The following BCL2L13 variants were observed in gnomAD, a reference collection of about 807,000 sequenced individuals.
BCL2L13 encodes the protein bcl-2-like protein 13.
BCL2L13 carries 13 observed loss-of-function variants against 25.8 expected under a neutral mutation model. That is an observed-to-expected ratio of 0.50 (90% CI 0.33 to 0.80). The LOEUF (loss-of-function observed/expected upper bound fraction) is 0.80, where lower values mean the gene tolerates loss of function less well. Among genes scored for constraint, BCL2L13 ranks in the 30% least tolerant of loss-of-function variants. The pLI is 0.02. For synonymous variants in BCL2L13, 244 were observed against 230.3 expected (o/e 1.06, Z -0.54); for missense variants, 504 against 574.9 (o/e 0.88, Z 1.26).
At position 17,702,258 on chromosome 22, in the gene BCL2L13, G is replaced by C; in HGVS notation, c.472G>C (p.Val158Leu). The part of the protein sequence containing the change: ...SGWNKILVPL[V>L]LLRQMLLELT... ...TGCATTGAAGATTTTGGTGCCTCTG[G>C]TTTTGCTACGACAAATGCTTTTGGA... The change falls in exon 6 of 7, where the codon GTT (valine) becomes CTT (leucine). Residue 158 changes from valine to leucine, a missense_variant. By Grantham distance (32) the Val-to-Leu change is conservative. Transcript: ENST00000317582. 3 of 1,604,928 alleles carry C rather than the reference G, an allele frequency of 1.9e-6. No individual in the cohort carries two copies. Among genetic ancestry groups the C allele is most frequent in the Non-Finnish European group, 2.5e-6 (3 of 1,176,498 alleles).
chr22:17,727,056 T>G lies in BCL2L13; in HGVS notation c.980T>G (p.Val327Gly). 1 of 1,614,198 alleles carries G rather than the reference T, an allele frequency of 6.2e-7. No homozygotes were observed. Among genetic ancestry groups the G allele is most frequent in the Non-Finnish European group, 8.5e-7 (1 of 1,180,028 alleles). The change falls in exon 7 of 7, where the codon GTG (valine) becomes GGG (glycine). Residue 327 changes from valine to glycine, a missense_variant. By Grantham distance (109) the Val-to-Gly change is moderately radical (BLOSUM62 -3). Coordinates refer to ENST00000317582, the MANE Select transcript of BCL2L13 (RefSeq NM_015367.4). ...ATGGAAGAGGCTGCTGTGGCTTCTG[T>G]GGTCTTGCCAGCGCGGGAGCTGCAA... Reference protein sequence around the residue: ...EGMEEAAVASVVLPARELQEA... With the variant: ...EGMEEAAVASGVLPARELQEA...
At chr22:17,653,251 T>G (rs1375699805) in intron 1 of BCL2L13, among the ~76,000 whole-genome samples, 2 of 152,136 alleles carry the variant, frequency 1.3e-5, no homozygotes, top group Non-Finnish European at 2.9e-5. Flanking sequence ...CTTCCTATAT[T>G]ATCTGATTTA....
intron 5 of BCL2L13, among the ~76,000 whole-genome samples, chr22:17,697,769 G>GT (rs1347242310): frequency 6.6e-6 from 1 of 151,880 alleles, no homozygotes; most frequent in African/African-American, 2.4e-5. Context: ...TGCCTCGTTT[G>GT]TTTTTTTGGA....
intron 1 of BCL2L13, among the ~76,000 whole-genome samples, chr22:17,647,585 A>C (rs981909473): frequency 3.3e-5 from 5 of 152,188 alleles, no homozygotes; most frequent in Non-Finnish European, 5.9e-5. Context: ...CTCACCTAGT[A>C]CATTACCTGG....
intron 6 of BCL2L13, chr22:17,703,819 A>G (rs1236960761): frequency 1.3e-5 from 2 of 152,162 alleles, no homozygotes; most frequent in Non-Finnish European, 2.9e-5. Context: ...AGTACTTTTT[A>G]AAACCTTTGG....
chr22:17,642,597 AT>A (rs58376155), intron 1 of BCL2L13, among the ~76,000 whole-genome samples: 164 of 143,442 alleles, frequency 1.1e-3, no homozygotes, highest in Non-Finnish European at 1.2e-3. Flanking sequence ...GTTGATGGGC[AT>A]TTTTTTTTTT....
At chr22:17,638,729 C>T, upstream of BCL2L13, 2 of 1,231,708 alleles carry the variant, frequency 1.6e-6, no homozygotes, top group African/African-American at 1.5e-5. Flanking sequence ...CGACGCCGGC[C>T]GTGACGAAGG....
intron 3 of BCL2L13, among the ~76,000 whole-genome samples, chr22:17,688,167 G>A (rs972782797): frequency 6.6e-6 from 1 of 152,074 alleles, no homozygotes; most frequent in Non-Finnish European, 1.5e-5. Flanking sequence ...ATGATGCCCA[G>A]GCTGGTCTCG....
chr22:17,642,722 T>C (rs962422514), intron 1 of BCL2L13, among the ~76,000 whole-genome samples: 3 of 152,036 alleles, frequency 2.0e-5, no homozygotes, highest in Non-Finnish European at 4.4e-5. Flanking sequence ...GCCTTCCAAG[T>C]AGCTGGGATT....
At chr22:17,695,968 C>A in intron 4 of BCL2L13, 173 bp from the exon 5 acceptor site, 1 of 490,434 alleles carries the variant, frequency 2.0e-6, no homozygotes, top group Non-Finnish European at 3.7e-6. Flanking sequence ...TTATAGAATG[C>A]TTGAAAAAAG....
intron 6 of BCL2L13, among the ~76,000 whole-genome samples, chr22:17,714,898 A>G (rs1434049258): frequency 1.3e-5 from 2 of 151,712 alleles, no homozygotes; most frequent in African/African-American, 4.8e-5. Flanking sequence ...TCATGCCTAT[A>G]ATCCCAGCAC....
chr22:17,672,008 C>G lies in BCL2L13; in HGVS notation c.122-11206C>G, dbSNP rs570729582. 1.8e-3 allele frequency among the ~76,000 whole-genome samples: 268 copies of G among 152,342 alleles called. 3 individuals carry two copies. The highest frequency in any genetic ancestry group is 5.9e-3 in the African/African-American group (246 of 41,590). ...GGATTACAGGCATGAGCCACTGTGC[C>G]CGGCCAACATCTGGTTTCTTAATTG... On this transcript the variant is annotated intron_variant, in intron 2 of 6. Coordinates refer to ENST00000317582, the MANE Select transcript of BCL2L13 (RefSeq NM_015367.4).
intron 2 of BCL2L13, among the ~76,000 whole-genome samples, chr22:17,662,009 G>T (rs2059083181): frequency 6.7e-6 from 1 of 150,288 alleles, no homozygotes; most frequent in African/African-American, 2.5e-5. Flanking sequence ...AAAAAAAATT[G>T]CATAATTATT....
At chr22:17,723,186 CTCTT>C (rs949197170) in intron 6 of BCL2L13, among the ~76,000 whole-genome samples, 43 of 152,286 alleles carry the variant, frequency 2.8e-4, no homozygotes, top group African/African-American at 9.9e-4. Flanking sequence ...CTCTCCCTCT[CTCTT>C]TCTCCCTCTC....
At chr22:17,655,017 C>T (rs1244019760) in intron 1 of BCL2L13, among the ~76,000 whole-genome samples, 1 of 152,200 alleles carries the variant, frequency 6.6e-6, no homozygotes, top group Non-Finnish European at 1.5e-5. Flanking sequence ...AGCCACCATG[C>T]ATTGCCTGTA....
chr22:17,644,261 A>AT (rs774647278), intron 1 of BCL2L13, among the ~76,000 whole-genome samples: 1 of 149,934 alleles, frequency 6.7e-6, no homozygotes, highest in African/African-American at 2.5e-5. Flanking sequence ...TTATCTGTGA[A>AT]TTTTTATTTT....
At chr22:17,639,847 A>G (rs1408533966) in intron 1 of BCL2L13, among the ~76,000 whole-genome samples, 1 of 146,620 alleles carries the variant, frequency 6.8e-6, no homozygotes, top group Non-Finnish European at 1.5e-5. Flanking sequence ...CCCTTCAGAT[A>G]CCTTCTTTCT....
intron 2 of BCL2L13, among the ~76,000 whole-genome samples, chr22:17,670,768 T>TA (rs1309574336): frequency 2.0e-5 from 3 of 152,208 alleles, no homozygotes; most frequent in Non-Finnish European, 2.9e-5. Context: ...TTAGCTTTTC[T>TA]ATCAGGAACA....
intron 6 of BCL2L13, among the ~76,000 whole-genome samples, chr22:17,719,304 A>G (rs953523324): frequency 7.9e-5 from 12 of 152,292 alleles, no homozygotes; most frequent in African/African-American, 2.6e-4. Context: ...AAGATGTTCA[A>G]CATCATTATT....
Sources: allele counts gnomAD v4.1 joint callset (sites outside exome capture counted in the v4.1 genomes callset), GRCh38; gene constraint gnomAD v4.1.1; transcripts MANE v1.5; gene names NCBI Gene and HGNC (gene_info 2026-07-23, HGNC 2026-07-21).